The following GRIK5 variants were observed in gnomAD, a reference collection of about 807,000 sequenced individuals.
GRIK5 encodes glutamate receptor ionotropic, kainate 5.
Under a neutral mutation model 97.4 loss-of-function variants are expected in GRIK5, and 43 were observed. The ratio of observed to expected loss-of-function variants is 0.44; its 90% CI spans 0.35 to 0.57. The LOEUF (loss-of-function observed/expected upper bound fraction) is 0.57, where lower values mean the gene tolerates loss of function less well. Ranked by LOEUF, GRIK5 falls within the 20% of genes least tolerant of loss-of-function variation. The pLI is 0.01. For missense variants in GRIK5, 1,015 were observed against 1,382.0 expected (o/e 0.73, Z 4.21); for synonymous variants, 580 against 583.5 (o/e 0.99, Z 0.09).
At chr19:42,054,874 G>A (rs2076162873) in intron 8 of GRIK5, among the ~76,000 whole-genome samples, 1 of 152,164 alleles carries the variant, frequency 6.6e-6, no homozygotes, top group Non-Finnish European at 1.5e-5. Flanking sequence ...GGACGACCAT[G>A]CCCATTCATC....
chr19:42,042,570 A>G lies in GRIK5; in HGVS notation c.1455T>C (p.Val485=), dbSNP rs1465038790. 1.2e-6 allele frequency: 2 copies of G among 1,610,916 alleles called. No individual in the cohort carries two copies. Among genetic ancestry groups the G allele is most frequent in the Non-Finnish European group, 1.7e-6 (2 of 1,179,674 alleles). ...PEPNGSWTGM[V]GELINRKADL... is the part of the protein sequence containing the mutation. ...GCCATACCCGGTTGATGAGCTCGCC[A>G]ACCATGCCCGTCCAGGAGCCGTTGG... The change falls in exon 12 of 20, where the codon GTT becomes GTC. Residue 485 remains valine (V), a synonymous_variant. Coordinates refer to ENST00000593562, the MANE Select transcript of GRIK5 (RefSeq NM_002088.5). This position sits in a 1 kb window ranked among gnomAD's most constrained non-coding sequence, Gnocchi z 6.9.
Position 42,002,395 on chromosome 19 carries a change from A to T in GRIK5, c.2514+937T>A. Reference sequence around the variant, plus strand: ...AAGAGAGGACAACTGATGCTGCAGGAGGAAAGGACAGACTTGCCGGAGGGA... The same window carrying T: ...AAGAGAGGACAACTGATGCTGCAGGTGGAAAGGACAGACTTGCCGGAGGGA... On this transcript the variant is annotated intron_variant, in intron 19 of 19. Transcript: ENST00000593562. This position sits in a 1 kb window ranked among gnomAD's most constrained non-coding sequence, Gnocchi z 5.2. The T allele has an allele frequency of 2.8e-6, 2 of 717,664 alleles. No homozygotes were observed. Among genetic ancestry groups the T allele is most frequent in the Non-Finnish European group, 5.2e-6 (2 of 385,108 alleles). The allele number at this position is 717,664 out of a possible 1,614,324, so 44.5% of individuals were successfully genotyped here.
chr19:42,068,646 G>A (rs2076375940), intron 1 of GRIK5: 2 of 429,528 alleles, frequency 4.7e-6, no homozygotes, highest in African/African-American at 2.0e-5. Context: ...ACCTGCCGAG[G>A]GAGACTTGGA....
In GRIK5 at chr19:41,998,867, G is replaced by A. The variant is rs1296952603; in HGVS notation, c.*4C>T. 9.0e-7 allele frequency: 1 copy of A among 1,117,136 alleles called. No homozygotes were observed. The highest frequency in any genetic ancestry group is 1.1e-6 in the Non-Finnish European group (1 of 914,088). 69.2% of individuals were successfully genotyped at this position (1,117,136 alleles called of 1,614,324 possible). On this transcript the variant is annotated 3_prime_UTR_variant, in exon 20 of 20. Transcript: ENST00000593562. ...TCCGGGCGCCCGCACAGCCCCGCCC[G>A]TGGTCACTCGTGCTCCGCCAGCTCC...
chr19:42,030,575 C>T (rs1294946103), intron 12 of GRIK5, among the ~76,000 whole-genome samples: 2 of 152,154 alleles, frequency 1.3e-5, no homozygotes, highest in Admixed American at 6.6e-5. Context: ...CCTCCCACCT[C>T]AGCCTTCCGA....
At chr19:42,054,870 C>T (rs2076162839) in intron 8 of GRIK5, among the ~76,000 whole-genome samples, 1 of 152,068 alleles carries the variant, frequency 6.6e-6, no homozygotes, top group Non-Finnish European at 1.5e-5. Context: ...GGCTGGACGA[C>T]CATGCCCATT....
At position 41,999,091 on chromosome 19, in the gene GRIK5, C is replaced by G. The variant is rs2075403766; in HGVS notation, c.2723G>C (p.Arg908Pro). 3.7e-6 allele frequency: 5 copies of G among 1,336,778 alleles called. No individual in the cohort carries two copies. The highest frequency in any genetic ancestry group is 4.8e-6 in the Non-Finnish European group (5 of 1,049,802). 82.8% of individuals were successfully genotyped at this position (1,336,778 alleles called of 1,614,324 possible). A position where few individuals can be genotyped will look rare whatever the true frequency, so the allele number is the denominator to read the frequency against. ...GGGGGGCCCCGGGTCGTCCAGGAGG[C>G]GCTGCGGGCCCCCGTGCGCGCTGCC... ...DAGSAHGGPQ[R>P]LLDDPGPPSG... Residue 908 changes from arginine (R) to proline (P), a missense_variant, in exon 20 of 20, where the codon CGC becomes CCC. Coordinates refer to ENST00000593562, the MANE Select transcript of GRIK5 (RefSeq NM_002088.5). The surrounding 1 kb of genome is among the most constrained non-coding windows in gnomAD (Gnocchi z 5.0).
intron 11 of GRIK5, among the ~76,000 whole-genome samples, chr19:42,047,341 A>G (rs1002770119): frequency 6.6e-6 from 1 of 151,424 alleles, no homozygotes; most frequent in Non-Finnish European, 1.5e-5. Context: ...GGAGTTCAAG[A>G]CCAGCCTGGG....
intron 1 of GRIK5, chr19:42,068,926 G>T: frequency 1.5e-6 from 1 of 664,270 alleles, no homozygotes; most frequent in Non-Finnish European, 2.7e-6. Context: ...CGGAGGCTTG[G>T]AGACAGCAGG....
chr19:42,065,646 G>GC lies in GRIK5; in HGVS notation c.79+45dup. On this transcript the variant is annotated intron_variant, in intron 2 of 19. Transcript: ENST00000593562. The surrounding 1 kb of genome is among the most constrained non-coding windows in gnomAD (Gnocchi z 5.8). The stretch of plus-strand genomic sequence containing the variant: ...CTGGCATGCCTGGGTCCCCAGAGGA[G>GC]CCCCAGGGCCTGAGGATGCAGGGGC... The GC allele has an allele frequency of 6.8e-7, 1 of 1,461,072 alleles. No individual in the cohort carries two copies. The highest frequency in any genetic ancestry group is 9.3e-7 in the Non-Finnish European group (1 of 1,075,544). The allele number at this position is 1,461,072 out of a possible 1,614,324, so 90.5% of individuals were successfully genotyped here.
chr19:42,053,961 A>G (rs1011885287), intron 9 of GRIK5, 32 bp from the exon 10 acceptor site: 4 of 1,464,538 alleles, frequency 2.7e-6, no homozygotes, highest in Non-Finnish European at 3.8e-6. Flanking sequence ...GCAGAGGGAG[A>G]GTGCAGGGGC....
intron 12 of GRIK5, among the ~76,000 whole-genome samples, chr19:42,041,570 C>T (rs201426471): frequency 3.9e-4 from 60 of 152,116 alleles, no homozygotes; most frequent in Admixed American, 7.9e-4. Flanking sequence ...CTTAAGGATT[C>T]AAATCTAGGA....
At chr19:42,064,893 C>T (rs2076308523) in intron 3 of GRIK5, among the ~76,000 whole-genome samples, 2 of 152,234 alleles carry the variant, frequency 1.3e-5, no homozygotes, top group Admixed American at 1.3e-4. Context: ...TTTGCTGACC[C>T]TCGCCCAAGC....
At chr19:42,063,046 T>C (rs1324469922) in intron 3 of GRIK5, among the ~76,000 whole-genome samples, 191 bp from the exon 4 acceptor site, 4 of 152,046 alleles carry the variant, frequency 2.6e-5, no homozygotes, top group South Asian at 2.1e-4. Flanking sequence ...GGGCATGAGA[T>C]GGAGAGAGAT....
At chr19:42,026,588 G>A (rs2075774733) in intron 12 of GRIK5, among the ~76,000 whole-genome samples, 1 of 146,752 alleles carries the variant, frequency 6.8e-6, no homozygotes, top group South Asian at 2.2e-4. Context: ...ATTATTTTTG[G>A]AGACGGAGTC....
intron 19 of GRIK5, among the ~76,000 whole-genome samples, chr19:42,000,781 C>T (rs546485739): frequency 1.3e-5 from 2 of 152,218 alleles, no homozygotes; most frequent in Admixed American, 6.5e-5. Context: ...TCTGATCACT[C>T]GCCCTGGGGG....
chr19:42,009,619 T>C (rs2075535767), intron 15 of GRIK5, among the ~76,000 whole-genome samples: 2 of 151,688 alleles, frequency 1.3e-5, no homozygotes, highest in South Asian at 4.2e-4. Context: ...AATACAAAAA[T>C]TAGCCAAGTG....
chr19:42,064,675 C>G (rs766234060), intron 3 of GRIK5, among the ~76,000 whole-genome samples: 1 of 152,230 alleles, frequency 6.6e-6, no homozygotes, highest in Non-Finnish European at 1.5e-5. Flanking sequence ...AGAAACCTGT[C>G]TAAAACATGT....
intron 12 of GRIK5, among the ~76,000 whole-genome samples, chr19:42,035,326 C>A (rs907265480): frequency 5.3e-5 from 8 of 152,012 alleles, no homozygotes; most frequent in African/African-American, 1.9e-4. Context: ...TGTGTACTAA[C>A]GTGGGAAGAT....
Sources: allele counts gnomAD v4.1 joint callset (sites outside exome capture counted in the v4.1 genomes callset), GRCh38; gene constraint gnomAD v4.1.1; non-coding constraint Gnocchi (gnomAD v3.1); transcripts MANE v1.5; gene names NCBI Gene and HGNC (gene_info 2026-07-23, HGNC 2026-07-21).